The following FBXL7 variants were observed in gnomAD, a reference collection of about 807,000 sequenced individuals.
The protein encoded by FBXL7 is F-box and leucine rich repeat protein 7.
In FBXL7, 12 loss-of-function variants were observed where a neutral mutation model predicts 38.3. The ratio of observed to expected loss-of-function variants is 0.31; its 90% CI spans 0.20 to 0.51. The LOEUF (loss-of-function observed/expected upper bound fraction) is 0.51. Ranked by LOEUF, FBXL7 falls within the 20% of genes least tolerant of loss-of-function variation. The pLI, the probability that FBXL7 is intolerant of heterozygous loss-of-function variation, is 0.98. For synonymous variants in FBXL7, 297 were observed against 300.9 expected, an observed-to-expected ratio of 0.99 and a Z score of 0.13; for missense variants, 567 against 676.4, an observed-to-expected ratio of 0.84 and a Z score of 1.79.
chr5:15,839,661 C>T (rs963805503), intron 2 of FBXL7, among the ~76,000 whole-genome samples: 1 of 152,098 alleles, frequency 6.6e-6, no homozygotes, highest in African/African-American at 2.4e-5. Context: ...TATTTACTAA[C>T]AAAATAGTAA....
At chr5:15,575,832 C>G (rs936991595) in intron 1 of FBXL7, among the ~76,000 whole-genome samples, 2 of 152,120 alleles carry the variant, frequency 1.3e-5, no homozygotes, top group Non-Finnish European at 2.9e-5. Flanking sequence ...GCACAATATG[C>G]CTGTCTCATT....
intron 2 of FBXL7, among the ~76,000 whole-genome samples, chr5:15,632,730 C>T (rs1288258340): frequency 6.6e-6 from 1 of 152,078 alleles, no homozygotes; most frequent in African/African-American, 2.4e-5. Flanking sequence ...AACATGGATG[C>T]AACTGAAGGC....
intron 2 of FBXL7, among the ~76,000 whole-genome samples, chr5:15,852,036 A>G (rs1025185959): frequency 7.9e-5 from 12 of 152,184 alleles, no homozygotes; most frequent in African/African-American, 2.2e-4. Context: ...TGCCCTGTCA[A>G]TGGCTTCAAG....
At chr5:15,822,573 T>C (rs2126765470) in intron 2 of FBXL7, among the ~76,000 whole-genome samples, 1 of 152,160 alleles carries the variant, frequency 6.6e-6, no homozygotes, top group South Asian at 2.1e-4. Flanking sequence ...AATAGCACTT[T>C]TCCTCATTTG....
intron 1 of FBXL7, among the ~76,000 whole-genome samples, chr5:15,558,124 T>C (rs920513521): frequency 6.6e-6 from 1 of 152,140 alleles, no homozygotes; most frequent in African/African-American, 2.4e-5. Flanking sequence ...ATTCTACACA[T>C]AAAAATGGCT....
intron 1 of FBXL7, among the ~76,000 whole-genome samples, chr5:15,583,172 C>G (rs551705153): frequency 1.4e-4 from 22 of 152,184 alleles, no homozygotes; most frequent in African/African-American, 4.8e-4. Flanking sequence ...TCAGATCTTA[C>G]GAGAACTCAC....
intron 2 of FBXL7, among the ~76,000 whole-genome samples, chr5:15,917,674 GAAGGAAGGAAGGAAGGAAGGAAGA>G (rs1561187573): frequency 4.8e-5 from 4 of 83,198 alleles, no homozygotes; most frequent in Admixed American, 1.8e-4. Flanking sequence ...AGGAAGGAAG[GAAGGAAGGAAGGAAGGAAGGAAGA>G]AAGAAAGGAA....
chr5:15,538,437 T>C (rs929759818), intron 1 of FBXL7, among the ~76,000 whole-genome samples: 4 of 152,208 alleles, frequency 2.6e-5, no homozygotes, highest in Admixed American at 1.3e-4. Flanking sequence ...GACTATTATC[T>C]TCAGGGGGTG....
At chr5:15,538,683 G>A (rs1737655252) in intron 1 of FBXL7, among the ~76,000 whole-genome samples, 1 of 152,156 alleles carries the variant, frequency 6.6e-6, no homozygotes, top group Admixed American at 6.5e-5. Flanking sequence ...TCCTGGCAGA[G>A]CCTTCTATTT....
At chr5:15,925,317 A>T (rs1012416302) in intron 2 of FBXL7, among the ~76,000 whole-genome samples, 11 of 152,258 alleles carry the variant, frequency 7.2e-5, no homozygotes, top group Non-Finnish European at 1.6e-4. Context: ...CTTAAAGGAG[A>T]TGGCATTTGC....
chr5:15,929,047 C>T (rs548297310), intron 3 of FBXL7, among the ~76,000 whole-genome samples: 4 of 152,308 alleles, frequency 2.6e-5, no homozygotes, highest in Admixed American at 1.3e-4. Context: ...ACTATCCTCG[C>T]GCCCACCTGC....
chr5:15,581,340 G>A (rs757368535), intron 1 of FBXL7, among the ~76,000 whole-genome samples: 1 of 152,070 alleles, frequency 6.6e-6, no homozygotes, highest in Non-Finnish European at 1.5e-5. Flanking sequence ...ACCACTGGCT[G>A]ATGCCCACCG....
chr5:15,806,145 C>T (rs1737706455), intron 2 of FBXL7, among the ~76,000 whole-genome samples: 1 of 152,114 alleles, frequency 6.6e-6, no homozygotes, highest in South Asian at 2.1e-4. Flanking sequence ...AACAATTTAA[C>T]AGAAATATTT....
At chr5:15,933,596 T>A (rs1579614770) in intron 3 of FBXL7, among the ~76,000 whole-genome samples, 1 of 152,226 alleles carries the variant, frequency 6.6e-6, no homozygotes, top group South Asian at 2.1e-4. Flanking sequence ...CAAAGCCCAC[T>A]GGAACAGTGT....
chr5:15,572,414 T>C (rs570419392), intron 1 of FBXL7, among the ~76,000 whole-genome samples: 1 of 150,740 alleles, frequency 6.6e-6, no homozygotes, highest in Non-Finnish European at 1.5e-5. Context: ...AAAAAAATCT[T>C]GTTCAGGGTT....
intron 2 of FBXL7, among the ~76,000 whole-genome samples, chr5:15,893,533 A>G (rs1740996474): frequency 6.6e-6 from 1 of 152,210 alleles, no homozygotes; most frequent in African/African-American, 2.4e-5. Context: ...TAGTAAGCAT[A>G]GTACCTATTG....
intron 2 of FBXL7, among the ~76,000 whole-genome samples, chr5:15,793,898 T>A (rs1737344935): frequency 6.6e-6 from 1 of 152,218 alleles, no homozygotes; most frequent in South Asian, 2.1e-4. Context: ...CATGAAACTT[T>A]AACGACTTTA....
rs182990310 is a variant in FBXL7 at position 15,556,993 on chromosome 5, G to C, written c.37+56280G>C. Among the ~76,000 whole-genome samples the C allele has an allele frequency of 3.9e-5, 6 of 152,236 alleles. No homozygotes were observed. In the East Asian group the frequency reaches 1.2e-3, roughly 29 times the overall value. The stretch of plus-strand genomic sequence containing the variant: ...TGCTCTGTCTCCCAGGCTGGAGTGC[G>C]GTGGCGCGATCTCGGCTCACTGCAA... On this transcript the variant is annotated intron_variant, in intron 1 of 3. Coordinates refer to ENST00000504595, the MANE Select transcript of FBXL7 (RefSeq NM_012304.5).
chr5:15,790,997 G>A (rs1737259590), intron 2 of FBXL7, among the ~76,000 whole-genome samples: 1 of 151,566 alleles, frequency 6.6e-6, no homozygotes, highest in South Asian at 2.1e-4. Flanking sequence ...GGCCTGGTAG[G>A]GTAGACAGAG....
Sources: gnomAD v4.1 joint callset for allele counts (sites outside exome capture counted in the v4.1 genomes callset) on GRCh38, gnomAD v4.1.1 for gene constraint, MANE v1.5 for transcripts, NCBI Gene and HGNC (gene_info 2026-07-23, HGNC 2026-07-21) for gene names.